ZBTB10: variants seen among roughly 807,000 people sequenced by gnomAD.
ZBTB10 encodes the protein zinc finger and BTB domain-containing protein 10.
In ZBTB10, 32 loss-of-function variants were observed where a neutral mutation model predicts 76.4. The ratio of observed to expected loss-of-function variants is 0.42; its 90% confidence interval spans 0.32 to 0.56. The LOEUF is 0.56. ZBTB10 is among the 20% of genes least tolerant of loss of function. ZBTB10 has a pLI of 0.14. For missense variants in ZBTB10, 1,057 were observed against 1,098.5 expected (o/e 0.96, Z 0.53); for synonymous variants, 523 against 432.9 (o/e 1.21, Z -2.58).
At chr8:80,485,970 C>T, upstream of ZBTB10, 1 of 1,341,224 alleles carries the variant, frequency 7.5e-7, no homozygotes, top group Non-Finnish European at 1.0e-6. Flanking sequence ...CCGCACACGC[C>T]CGCCCCCTCC....
chr8:80,489,562 C>CT (rs1815570529), intron 1 of ZBTB10, among the ~76,000 whole-genome samples: 1 of 152,286 alleles, frequency 6.6e-6, no homozygotes, highest in Admixed American at 6.5e-5. Flanking sequence ...TAATTAGCTC[C>CT]TTTAGTGAAC....
intron 3 of ZBTB10, among the ~76,000 whole-genome samples, chr8:80,515,007 A>C (rs1345086562): frequency 1.3e-5 from 2 of 152,240 alleles, no homozygotes; most frequent in African/African-American, 4.8e-5. Flanking sequence ...AAGTAAACTA[A>C]AGTGCAGCAT....
chr8:80,518,852 A>G lies in ZBTB10; in HGVS notation c.2208A>G (p.Thr736=), dbSNP rs1816393232. The G allele has an allele frequency of 6.2e-7, 1 of 1,612,604 alleles. No individual in the cohort carries two copies. Among genetic ancestry groups the G allele is most frequent in the African/African-American group, 1.3e-5 (1 of 74,922 alleles). ...HCSYVAKYRR[T]LKRHLLIHTG... is the part of the protein sequence containing the mutation. ...GCTATGTAGCCAAATACAGACGAACACTAAAAAGGCACTTGCTCATTCACA... is the reference window on the plus strand; with the variant it reads ...GCTATGTAGCCAAATACAGACGAACGCTAAAAAGGCACTTGCTCATTCACA... Residue 736 remains threonine (T), a synonymous_variant, in exon 5 of 6, where the codon ACA becomes ACG. Transcript: ENST00000455036.
Position 80,499,933 on chromosome 8 carries a change from C to T in ZBTB10, c.1412C>T (p.Ala471Val). The part of the protein sequence containing the change: ...DALNISIKSE[A>V]PESVVVDYNN... Reference sequence around the variant, plus strand: ...TTAAATATAAGCATTAAATCAGAAGCTCCAGAGTCTGTAGTTGTGGACTAT... The same window carrying T: ...TTAAATATAAGCATTAAATCAGAAGTTCCAGAGTCTGTAGTTGTGGACTAT... Residue 471 changes from alanine to valine, a missense_variant, in exon 2 of 6, where the codon GCT becomes GTT. Transcript: ENST00000455036. 2.5e-6 allele frequency: 4 copies of T among 1,613,864 alleles called. No homozygotes were observed. Among genetic ancestry groups the T allele is most frequent in the Non-Finnish European group, 3.4e-6 (4 of 1,179,862 alleles).
intron 1 of ZBTB10, among the ~76,000 whole-genome samples, chr8:80,495,217 G>A (rs765488240): frequency 1.3e-5 from 2 of 150,768 alleles, no homozygotes; most frequent in Non-Finnish European, 2.9e-5. Flanking sequence ...CCATCCTGTC[G>A]CCTTCCAAAG....
chr8:80,494,775 A>G (rs1224266434), intron 1 of ZBTB10, among the ~76,000 whole-genome samples: 1 of 151,864 alleles, frequency 6.6e-6, no homozygotes, highest in Non-Finnish European at 1.5e-5. Flanking sequence ...AAAAAATAAA[A>G]TAACTGGGCG....
intron 1 of ZBTB10, among the ~76,000 whole-genome samples, chr8:80,490,384 C>T (rs1384666345): frequency 6.6e-6 from 1 of 152,056 alleles, no homozygotes; most frequent in South Asian, 2.1e-4. Context: ...TACAGGTGCG[C>T]GCCACCATTC....
At position 80,486,984 on chromosome 8, in the gene ZBTB10, T is replaced by C. The variant is rs1417065882; in HGVS notation, c.174T>C (p.Pro58=). 4.0e-6 allele frequency: 6 copies of C among 1,512,808 alleles called. No individual in the cohort carries two copies. The Admixed American group carries it at 1.0e-4, about 26-fold the overall frequency. The allele number at this position is 1,512,808 out of a possible 1,614,324, so 93.7% of individuals were successfully genotyped here. The part of the protein sequence containing the change: ...PPPAPPALQP[P]NGRGADEEVE... ...CAGCGCCGCCCGCGCTTCAGCCGCC[T>C]AATGGGCGGGGGGCCGACGAGGAAG... Residue 58 remains proline, a synonymous_variant, in exon 1 of 6, where the codon CCT becomes CCC. Transcript: ENST00000455036.
chr8:80,513,901 C>G lies in ZBTB10; in HGVS notation c.1862-9C>G, dbSNP rs755682801. On this transcript the variant is annotated splice_polypyrimidine_tract_variant and intron_variant, in intron 2 of 5. Transcript: ENST00000455036. ...TTTGTAGATAAATTTTTCTATGTTT[C>G]CTTTTCAGATTTAGATGGTGCTCTA... is the stretch of plus-strand genomic sequence containing the variant. 1.2e-6 allele frequency: 2 copies of G among 1,611,726 alleles called. No individual in the cohort carries two copies. Among genetic ancestry groups the G allele is most frequent in the South Asian group, 2.2e-5 (2 of 90,694 alleles).
Position 80,516,728 on chromosome 8 carries a change from T to C in ZBTB10, c.1961-1675T>C, listed in dbSNP as rs147217783. Among the ~76,000 whole-genome samples, 11 of 152,370 alleles carry C rather than the reference T, an allele frequency of 7.2e-5. 2 individuals are homozygous for C. The highest frequency in any genetic ancestry group is 2.4e-4 in the African/African-American group (10 of 41,596). On this transcript the variant is annotated intron_variant, in intron 3 of 5. Transcript: ENST00000455036. Reference sequence around the variant, plus strand: ...ACAGTAATAGTAATGATGTGCAGTTTTAAAATATTTTAGAGACATTTTTAC... The same window carrying C: ...ACAGTAATAGTAATGATGTGCAGTTCTAAAATATTTTAGAGACATTTTTAC...
At chr8:80,492,967 A>G (rs1815669147) in intron 1 of ZBTB10, among the ~76,000 whole-genome samples, 2 of 151,758 alleles carry the variant, frequency 1.3e-5, no homozygotes, top group South Asian at 2.1e-4. Context: ...TAATCCCAGC[A>G]CTTTGGGAGG....
intron 3 of ZBTB10, among the ~76,000 whole-genome samples, chr8:80,514,810 C>G (rs1816286616): frequency 6.6e-6 from 1 of 152,222 alleles, no homozygotes; most frequent in South Asian, 2.1e-4. Flanking sequence ...AAATTAAGGG[C>G]TGGCTGATTT....
At chr8:80,486,039 C>A (rs1023881977), upstream of ZBTB10, among the ~76,000 whole-genome samples, 2 of 141,938 alleles carry the variant, frequency 1.4e-5, no homozygotes, top group Non-Finnish European at 3.1e-5. Context: ...CGACTTCCTT[C>A]CCCGCGGCCG....
chr8:80,521,890 G>A lies in ZBTB10; in HGVS notation c.*2362G>A, dbSNP rs1816456339. Reference sequence around the variant, plus strand: ...ATTGTCCATTACTTTATGTTGTGTTGTGACAGATTTGGCTATATTTTTAGT... The same window carrying A: ...ATTGTCCATTACTTTATGTTGTGTTATGACAGATTTGGCTATATTTTTAGT... On this transcript the variant is annotated 3_prime_UTR_variant, in exon 6 of 6. Coordinates refer to ENST00000455036, the MANE Select transcript of ZBTB10 (RefSeq NM_001105539.3). 2 of 151,790 alleles carry A rather than the reference G, an allele frequency of 1.3e-5. No homozygotes were observed. Among genetic ancestry groups the A allele is most frequent in the African/African-American group, 2.4e-5 (1 of 41,408 alleles). 9.4% of individuals were successfully genotyped at this position (151,790 alleles called of 1,614,324 possible).
In ZBTB10 at chr8:80,499,511, A is replaced by AGAG; in HGVS notation, c.995_997dup (p.Glu332dup). The stretch of plus-strand genomic sequence containing the variant: ...AATTACAGGAGTCAGAAATACCATC[A>AGAG]GAGGAGGGGTACTGTGACTTTAATA... On this transcript the variant is annotated inframe_insertion, in exon 2 of 6. Coordinates refer to ENST00000455036, the MANE Select transcript of ZBTB10 (RefSeq NM_001105539.3). 1.9e-6 allele frequency: 3 copies of AGAG among 1,596,478 alleles called. No individual in the cohort carries two copies. The highest frequency in any genetic ancestry group is 2.6e-6 in the Non-Finnish European group (3 of 1,171,300).
chr8:80,508,434 A>G (rs1261720398), intron 2 of ZBTB10, among the ~76,000 whole-genome samples: 1 of 152,234 alleles, frequency 6.6e-6, no homozygotes, highest in Non-Finnish European at 1.5e-5. Flanking sequence ...TTTATTTAAA[A>G]TCTAAAGACA....
At chr8:80,502,107 C>T (rs1694912047) in intron 2 of ZBTB10, among the ~76,000 whole-genome samples, 2 of 152,148 alleles carry the variant, frequency 1.3e-5, no homozygotes, top group Admixed American at 6.5e-5. Context: ...AATAATGAAC[C>T]ACAATGCATA....
chr8:80,522,474 T>TA lies in ZBTB10; in HGVS notation c.*2947dup, dbSNP rs1816469239. The TA allele has an allele frequency of 6.6e-6, 1 of 151,980 alleles. No individual in the cohort carries two copies. Among genetic ancestry groups the TA allele is most frequent in the Non-Finnish European group, 1.5e-5 (1 of 67,870 alleles). 9.4% of individuals were successfully genotyped at this position (151,980 alleles called of 1,614,324 possible). A position where few individuals can be genotyped will look rare whatever the true frequency, so the allele number is the denominator to read the frequency against. Reference sequence around the variant, plus strand: ...CATTATTAGAGTTCTCAGAGACAGATACTTCCATATGGACCCCTGTTCATT... The same window carrying TA: ...CATTATTAGAGTTCTCAGAGACAGATAACTTCCATATGGACCCCTGTTCATT... On this transcript the variant is annotated 3_prime_UTR_variant, in exon 6 of 6. Coordinates refer to ENST00000455036, the MANE Select transcript of ZBTB10 (RefSeq NM_001105539.3).
rs1816478903 is a variant in ZBTB10, at chr8:80,522,957, A to AT, written c.*3430dup. The AT allele has an allele frequency of 6.6e-6, 1 of 151,808 alleles. No individual in the cohort carries two copies. The highest frequency in any genetic ancestry group is 2.1e-4 in the South Asian group (1 of 4,824). 9.4% of individuals were successfully genotyped at this position (151,808 alleles called of 1,614,324 possible). A position where few individuals can be genotyped will look rare whatever the true frequency, so the allele number is the denominator to read the frequency against. On this transcript the variant is annotated 3_prime_UTR_variant, in exon 6 of 6. Transcript: ENST00000455036. ...TTTAAAACTTTAGTAAGCTTTATTTATATTTTTTAGGATTTTCTGAACATA... is the reference window on the plus strand; with the variant it reads ...TTTAAAACTTTAGTAAGCTTTATTTATTATTTTTTAGGATTTTCTGAACATA...
Sources: allele counts gnomAD v4.1 joint callset (sites outside exome capture counted in the v4.1 genomes callset), GRCh38; gene constraint gnomAD v4.1.1; transcripts MANE v1.5; gene names NCBI Gene and HGNC (gene_info 2026-07-23, HGNC 2026-07-21).